SV2B: variants seen among roughly 807,000 people sequenced by gnomAD.
The protein encoded by SV2B is synaptic vesicle glycoprotein 2B.
A neutral mutation model predicts 73.9 loss-of-function variants in SV2B; 41 were observed. The observed-to-expected ratio is 0.56, with a 90% CI of 0.43 to 0.72. SV2B has a LOEUF of 0.72. Ranked by LOEUF, SV2B falls within the 30% of genes least tolerant of loss-of-function variation. The pLI is 0.00. For synonymous variants in SV2B, 314 were observed against 314.2 expected (o/e 1.00, Z 0.01); for missense variants, 764 against 857.8 (o/e 0.89, Z 1.37).
intron 1 of SV2B, among the ~76,000 whole-genome samples, chr15:91,199,806 A>C (rs1484460244): frequency 6.6e-6 from 1 of 152,186 alleles, no homozygotes; most frequent in Non-Finnish European, 1.5e-5. Flanking sequence ...GCTGAAGGCT[A>C]TTAATCTCAG....
Position 91,231,231 on chromosome 15 carries a change from G to A in SV2B, c.451+4517G>A, listed in dbSNP as rs923448519. Among the ~76,000 whole-genome samples, 2 of 152,164 alleles carry A rather than the reference G, an allele frequency of 1.3e-5. No individual in the cohort carries two copies. Among genetic ancestry groups the A allele is most frequent in the African/African-American group, 4.8e-5 (2 of 41,420 alleles). On this transcript the variant is annotated intron_variant, in intron 2 of 12. Transcript: ENST00000394232. This position sits in a 1 kb window ranked among gnomAD's most constrained non-coding sequence, Gnocchi z 4.5. ...ACTGACAACGGATTGCCATGTTTAG[G>A]AGTGCGGACTTGATTCCACTGGTAG...
chr15:91,270,820 T>TGATGGGAGGAC (rs1567417604), intron 9 of SV2B, among the ~76,000 whole-genome samples: 3 of 70,554 alleles, frequency 4.3e-5, no homozygotes, highest in Non-Finnish European at 8.7e-5. Flanking sequence ...GATGGGGGGA[T>TGATGGGAGGAC]GGTGAATCCT....
chr15:91,174,826 C>T (rs1454407035), intron 1 of SV2B, among the ~76,000 whole-genome samples: 1 of 152,210 alleles, frequency 6.6e-6, no homozygotes, highest in Non-Finnish European at 1.5e-5. Context: ...AGCCTGGTGG[C>T]ATCCCCAGTG....
In SV2B at chr15:91,258,654, C is replaced by T; in HGVS notation, c.918+100C>T. 1 of 1,539,166 alleles carries T rather than the reference C, an allele frequency of 6.5e-7. No homozygotes were observed. The highest frequency in any genetic ancestry group is 8.8e-7 in the Non-Finnish European group (1 of 1,138,276). ...GCTCCTAGTCCCACATCCTCTGCTG[C>T]TTATGTGTTGCAAACTCTCCCCTGG... On this transcript the variant is annotated intron_variant, in intron 5 of 12. Transcript: ENST00000394232. The surrounding 1 kb of genome is among the most constrained non-coding windows in gnomAD (Gnocchi z 4.7).
At chr15:91,271,632 C>G (rs182911402) in intron 9 of SV2B, among the ~76,000 whole-genome samples, 1 of 152,210 alleles carries the variant, frequency 6.6e-6, no homozygotes, top group East Asian at 1.9e-4. Flanking sequence ...CCCATAATTC[C>G]CCCACTCCCT....
chr15:91,150,625 G>A (rs568689369), intron 1 of SV2B, among the ~76,000 whole-genome samples: 38 of 152,332 alleles, frequency 2.5e-4, no homozygotes, highest in Non-Finnish European at 4.6e-4. Context: ...AGGACCAGCT[G>A]TCCATATTTC....
intron 5 of SV2B, among the ~76,000 whole-genome samples, chr15:91,259,550 C>A (rs747429424): frequency 6.6e-6 from 1 of 152,142 alleles, no homozygotes; most frequent in East Asian, 1.9e-4. Flanking sequence ...TGCCACAAAC[C>A]GAGTGACTTA....
In SV2B at chr15:91,214,638, T is replaced by G. The variant is rs910192205; in HGVS notation, c.-391-11235T>G. On this transcript the variant is annotated intron_variant, in intron 1 of 12. Coordinates refer to ENST00000394232, the MANE Select transcript of SV2B (RefSeq NM_001323032.3). The surrounding 1 kb of genome is among the most constrained non-coding windows in gnomAD (Gnocchi z 4.7). Reference sequence around the variant, plus strand: ...CAAGAATTCGCTTTACAACAGCCACTGTATGGCAAGAAATATCATTAACAA... The same window carrying G: ...CAAGAATTCGCTTTACAACAGCCACGGTATGGCAAGAAATATCATTAACAA... Among the ~76,000 whole-genome samples, 7 of 152,228 alleles carry G rather than the reference T, an allele frequency of 4.6e-5. No individual in the cohort carries two copies. The highest frequency in any genetic ancestry group is 7.2e-5 in the African/African-American group (3 of 41,454).
intron 1 of SV2B, among the ~76,000 whole-genome samples, chr15:91,216,161 T>G (rs2046017855): frequency 6.6e-6 from 1 of 152,198 alleles, no homozygotes; most frequent in Non-Finnish European, 1.5e-5. Context: ...CAAAGAACAC[T>G]GTCTCCCATG....
intron 1 of SV2B, among the ~76,000 whole-genome samples, chr15:91,111,054 G>T (rs1196685894): frequency 6.6e-6 from 1 of 151,868 alleles, no homozygotes; most frequent in Admixed American, 6.6e-5. Flanking sequence ...CTTTTTTTTG[G>T]TGGCGCCGCC....
intron 9 of SV2B, among the ~76,000 whole-genome samples, chr15:91,276,802 G>GTTA (rs1464096663): frequency 7.0e-4 from 40 of 56,780 alleles, no homozygotes; most frequent in Non-Finnish European, 1.2e-3. Context: ...TATTATTGTT[G>GTTA]TTGTTATTAT....
intron 2 of SV2B, among the ~76,000 whole-genome samples, chr15:91,233,104 C>T (rs899815847): frequency 1.3e-5 from 2 of 152,024 alleles, no homozygotes; most frequent in Admixed American, 6.6e-5. Context: ...TTATCCAATC[C>T]CCCGTTGATG....
intron 1 of SV2B, among the ~76,000 whole-genome samples, chr15:91,218,792 G>C (rs2046118365): frequency 6.6e-6 from 1 of 152,292 alleles, no homozygotes; most frequent in Non-Finnish European, 1.5e-5. Flanking sequence ...TGAAGTCACA[G>C]ATGCTACCGA....
intron 1 of SV2B, among the ~76,000 whole-genome samples, chr15:91,165,305 T>TCC (rs2043872918): frequency 6.6e-6 from 1 of 152,194 alleles, no homozygotes; most frequent in South Asian, 2.1e-4. Flanking sequence ...CACTCTAGCC[T>TCC]GGGCGACAAG....
intron 5 of SV2B, among the ~76,000 whole-genome samples, chr15:91,259,864 T>C (rs1264964650): frequency 6.6e-6 from 1 of 152,140 alleles, no homozygotes; most frequent in Non-Finnish European, 1.5e-5. Context: ...TTAATTTAGC[T>C]AATTGCACCT....
rs745930189 is a variant in SV2B, at chr15:91,106,178, G to C, written c.-392+5815G>C. On this transcript the variant is annotated intron_variant, in intron 1 of 12. Coordinates refer to ENST00000394232, the MANE Select transcript of SV2B (RefSeq NM_001323032.3). This position sits in a 1 kb window ranked among gnomAD's most constrained non-coding sequence, Gnocchi z 4.4. ...TAATGAATTTTGACCTAAGCAGCTG[G>C]ATGGAGTAGCACTTTAGTGAGGTGG... is the stretch of plus-strand genomic sequence containing the variant. 5.9e-5 allele frequency among the ~76,000 whole-genome samples: 9 copies of C among 152,236 alleles called. No individual in the cohort carries two copies. Among genetic ancestry groups the C allele is most frequent in the Admixed American group, 2.6e-4 (4 of 15,290 alleles).
intron 11 of SV2B, among the ~76,000 whole-genome samples, chr15:91,286,485 G>C (rs2048865515): frequency 6.6e-6 from 1 of 152,158 alleles, no homozygotes; most frequent in African/African-American, 2.4e-5. Context: ...GGCTGTGTGG[G>C]AGGCAATGGG....
intron 1 of SV2B, among the ~76,000 whole-genome samples, chr15:91,198,260 T>G (rs576900782): frequency 6.6e-6 from 1 of 152,274 alleles, no homozygotes; most frequent in African/African-American, 2.4e-5. Context: ...CGGTGGTTCA[T>G]TATGTCAATC....
In SV2B at chr15:91,110,112, C is replaced by G. The variant is rs990840825; in HGVS notation, c.-392+9749C>G. Among the ~76,000 whole-genome samples the G allele has an allele frequency of 6.6e-6, 1 of 152,164 alleles. No individual in the cohort carries two copies. Among genetic ancestry groups the G allele is most frequent in the African/African-American group, 2.4e-5 (1 of 41,440 alleles). The stretch of plus-strand genomic sequence containing the variant: ...CTCACTCAGGAGTAATGATGGACAG[C>G]TCATTTATCCATTAACGTGTTCTGT... On this transcript the variant is annotated intron_variant, in intron 1 of 12. Coordinates refer to ENST00000394232, the MANE Select transcript of SV2B (RefSeq NM_001323032.3). The surrounding 1 kb of genome is among the most constrained non-coding windows in gnomAD (Gnocchi z 5.4).
Sources: allele counts gnomAD v4.1 joint callset (sites outside exome capture counted in the v4.1 genomes callset), GRCh38; gene constraint gnomAD v4.1.1; non-coding constraint Gnocchi (gnomAD v3.1); transcripts MANE v1.5; gene names NCBI Gene and HGNC (gene_info 2026-07-23, HGNC 2026-07-21).